PCDH15: variants seen among roughly 807,000 people sequenced by gnomAD.
The protein encoded by PCDH15 is protocadherin-15.
A neutral mutation model predicts 178.5 loss-of-function variants in PCDH15; 129 were observed. That is an observed-to-expected ratio of 0.72 (90% CI 0.63 to 0.84). The LOEUF (loss-of-function observed/expected upper bound fraction) is 0.84, where lower values mean the gene tolerates loss of function less well. PCDH15 is among the 40% of genes least tolerant of loss of function. The pLI, the probability that PCDH15 is intolerant of heterozygous loss-of-function variation, is 0.00. For synonymous variants in PCDH15, 800 were observed against 732.0 expected (o/e 1.09, Z -1.50); for missense variants, 2,230 against 2,099.9 (o/e 1.06, Z -1.21).
At chr10:54,174,387 T>A (rs1050400658) in intron 13 of PCDH15, among the ~76,000 whole-genome samples, 3 of 150,848 alleles carry the variant, frequency 2.0e-5, no homozygotes, top group Non-Finnish European at 4.4e-5. Context: ...AAAAAAAAAA[T>A]TGCCGGGCAT....
chr10:54,686,538 G>T (rs573877808), intron 1 of PCDH15, among the ~76,000 whole-genome samples: 49 of 152,102 alleles, frequency 3.2e-4, no homozygotes, highest in African/African-American at 1.2e-3. Context: ...GCACTTTAAT[G>T]ATTTGAGTCT....
At chr10:54,365,384 A>G (rs1565091146) in intron 5 of PCDH15, among the ~76,000 whole-genome samples, 1 of 152,114 alleles carries the variant, frequency 6.6e-6, no homozygotes, top group African/African-American at 2.4e-5. Context: ...TTAATATACT[A>G]TAGGTAACCC....
chr10:53,803,071 C>G lies in PCDH15; in HGVS notation c.*3508G>C, dbSNP rs1840966517. ...AAAGATCAAAATTAACTATTGAAAA[C>G]CAATAAAAAAAATAGAACAAAAATT... On this transcript the variant is annotated 3_prime_UTR_variant, in exon 38 of 38. Transcript: ENST00000644397. The G allele has an allele frequency of 6.6e-6, 1 of 151,536 alleles. No individual in the cohort carries two copies. The highest frequency in any genetic ancestry group is 2.4e-5 in the African/African-American group (1 of 41,292). The allele number at this position is 151,536 out of a possible 1,614,324, so 9.4% of individuals were successfully genotyped here.
intron 1 of PCDH15, among the ~76,000 whole-genome samples, chr10:55,178,416 T>C (rs1839553648): frequency 6.6e-6 from 1 of 152,080 alleles, no homozygotes; most frequent in Non-Finnish European, 1.5e-5. Context: ...ATGACTACAA[T>C]CAGAGTATGG....
intron 2 of PCDH15, among the ~76,000 whole-genome samples, chr10:55,445,864 A>G (rs1030332978): frequency 1.3e-5 from 2 of 148,698 alleles, no homozygotes; most frequent in Non-Finnish European, 2.9e-5. Context: ...GTACCTTAAG[A>G]AAAGACTCAA....
intron 2 of PCDH15, among the ~76,000 whole-genome samples, chr10:54,623,397 T>C (rs1470492099): frequency 6.7e-6 from 1 of 150,308 alleles, no homozygotes; most frequent in Admixed American, 6.6e-5. Flanking sequence ...ATGAAAAGAC[T>C]TTTTTTTAAA....
rs1430229171 is a variant in PCDH15, at chr10:55,545,148, TG to T, written c.-156+82476del. On this transcript the variant is annotated intron_variant, in intron 2 of 5. Transcript: ENST00000613346. Reference sequence around the variant, plus strand: ...AATGAATCACTAAAGAAGACTACTGTGCTGTAAGTACCACAGAACCAAAATA... The same window carrying T: ...AATGAATCACTAAAGAAGACTACTGTCTGTAAGTACCACAGAACCAAAATA... 2.6e-5 allele frequency among the ~76,000 whole-genome samples: 4 copies of T among 152,224 alleles called. No homozygotes were observed. In the South Asian group the frequency reaches 8.3e-4, roughly 32 times the overall value.
At chr10:55,210,664 C>G (rs1840545263) in intron 1 of PCDH15, among the ~76,000 whole-genome samples, 1 of 108,262 alleles carries the variant, frequency 9.2e-6, no homozygotes, top group Non-Finnish European at 1.7e-5. Context: ...GAATCTCGCT[C>G]TGTCGCCAGG....
At chr10:55,251,087 T>G (rs1483534322) in intron 1 of PCDH15, among the ~76,000 whole-genome samples, 1 of 152,052 alleles carries the variant, frequency 6.6e-6, no homozygotes, top group Non-Finnish European at 1.5e-5. Context: ...GGTAAAAACT[T>G]GCAAAAATTA....
At chr10:55,037,267 T>TC (rs1482815903) in intron 2 of PCDH15, among the ~76,000 whole-genome samples, 1 of 152,090 alleles carries the variant, frequency 6.6e-6, no homozygotes, top group Non-Finnish European at 1.5e-5. Context: ...GGAGTCTCGC[T>TC]CTGTTGCCCA....
intron 3 of PCDH15, among the ~76,000 whole-genome samples, chr10:54,833,892 G>C (rs1953267528): frequency 6.6e-6 from 1 of 152,018 alleles, no homozygotes; most frequent in Non-Finnish European, 1.5e-5. Context: ...GGGTAGATCG[G>C]GTGTTTTGGG....
intron 2 of PCDH15, among the ~76,000 whole-genome samples, chr10:54,529,263 G>A (rs1472583226): frequency 6.6e-6 from 1 of 151,960 alleles, no homozygotes; most frequent in Non-Finnish European, 1.5e-5. Context: ...AACATTTTCA[G>A]ATCTAAAATA....
chr10:55,404,291 C>T (rs958728850), intron 2 of PCDH15, among the ~76,000 whole-genome samples: 6 of 151,930 alleles, frequency 3.9e-5, no homozygotes, highest in African/African-American at 1.4e-4. Context: ...TAAAGAACAA[C>T]GTTGCACACC....
intron 3 of PCDH15, among the ~76,000 whole-genome samples, chr10:54,877,938 CTTTTTTTTTTTTTTTTTTTTTT>C (rs1203452904): frequency 0.053 from 429 of 8,086 alleles, 4 homozygotes; most frequent in South Asian, 0.075. Context: ...CTCTCTCTCT[CTTTTTTTTTTTTTTTTTTTTTT>C]TTTTTTTTTT....
intron 21 of PCDH15, among the ~76,000 whole-genome samples, chr10:53,991,613 T>A (rs1420155359): frequency 6.6e-6 from 1 of 151,816 alleles, no homozygotes; most frequent in African/African-American, 2.4e-5. Flanking sequence ...AATGCACCAA[T>A]CAGCACTCTG....
At chr10:54,709,892 A>G (rs1172192088) in intron 1 of PCDH15, among the ~76,000 whole-genome samples, 1 of 144,390 alleles carries the variant, frequency 6.9e-6, no homozygotes, top group Non-Finnish European at 1.6e-5. Flanking sequence ...TGACTAGGAT[A>G]ATGTATATGA....
At chr10:55,363,316 A>G (rs1382857404) in intron 2 of PCDH15, among the ~76,000 whole-genome samples, 31 of 152,212 alleles carry the variant, frequency 2.0e-4, no homozygotes, top group Non-Finnish European at 1.3e-4. Flanking sequence ...TACCAGTAAA[A>G]CACTGAAAGA....
intron 2 of PCDH15, among the ~76,000 whole-genome samples, chr10:55,404,192 GGA>G (rs1484910466): frequency 3.9e-5 from 6 of 151,934 alleles, no homozygotes; most frequent in African/African-American, 1.5e-4. Flanking sequence ...CAATTCTCTG[GGA>G]AGTGCAGAAT....
intron 2 of PCDH15, among the ~76,000 whole-genome samples, chr10:55,598,200 G>T (rs995884195): frequency 1.3e-5 from 2 of 151,912 alleles, no homozygotes; most frequent in African/African-American, 4.8e-5. Context: ...AAGGTCTTCA[G>T]TCAACAAAGT....
Sources: allele counts gnomAD v4.1 joint callset (sites outside exome capture counted in the v4.1 genomes callset), GRCh38; gene constraint gnomAD v4.1.1; transcripts MANE v1.5; gene names NCBI Gene and HGNC (gene_info 2026-07-23, HGNC 2026-07-21).